The following CDH12 variants were observed in gnomAD, a reference collection of about 807,000 sequenced individuals.
CDH12 encodes the protein cadherin 12.
Under a neutral mutation model 74.1 loss-of-function variants are expected in CDH12, and 41 were observed. The ratio of observed to expected loss-of-function variants is 0.55; its 90% CI spans 0.43 to 0.72. CDH12 has a LOEUF of 0.72. CDH12 is among the 30% of genes least tolerant of loss of function. The pLI is 0.00. For synonymous variants in CDH12, 399 were observed against 355.0 expected (o/e 1.12, Z -1.39); for missense variants, 945 against 977.2 (o/e 0.97, Z 0.44).
At chr5:22,348,247 C>T (rs1740207782) in intron 3 of CDH12, among the ~76,000 whole-genome samples, 1 of 152,240 alleles carries the variant, frequency 6.6e-6, no homozygotes, top group Non-Finnish European at 1.5e-5. Context: ...TTTCTTTAAG[C>T]CTGAGTGCTT....
chr5:22,275,259 G>A (rs911350583), intron 3 of CDH12, among the ~76,000 whole-genome samples: 4 of 151,588 alleles, frequency 2.6e-5, no homozygotes, highest in African/African-American at 4.8e-5. Context: ...AAACCTGCAC[G>A]TTCTGCACAT....
chr5:22,838,207 AGAC>A (rs1433404912), intron 1 of CDH12, among the ~76,000 whole-genome samples: 1 of 152,144 alleles, frequency 6.6e-6, no homozygotes, highest in Non-Finnish European at 1.5e-5. Flanking sequence ...CCTTGGCTGT[AGAC>A]CCGTAGAAGT....
intron 4 of CDH12, among the ~76,000 whole-genome samples, chr5:22,154,448 TATATATGTAC>T (rs1747864256): frequency 5.8e-4 from 1 of 1,718 alleles, no homozygotes; most frequent in Admixed American, 9.6e-3. Context: ...TATATACACA[TATATATGTAC>T]ACATATATAT....
At chr5:21,889,966 A>C (rs2150043014) in intron 6 of CDH12, 1 of 346,960 alleles carries the variant, frequency 2.9e-6, no homozygotes. Context: ...AGTCTAAGAC[A>C]CTTCCTTCTT....
At position 22,004,120 on chromosome 5, in the gene CDH12, G is replaced by T. The variant is rs6872750; in HGVS notation, c.232-28735C>A. The stretch of plus-strand genomic sequence containing the variant: ...TCAGTGAATGAGAATACAAATGTAC[G>T]CATTAAACCTCAGTCCATTTCTCTT... On this transcript the variant is annotated intron_variant, in intron 5 of 14. Coordinates refer to ENST00000382254, the MANE Select transcript of CDH12 (RefSeq NM_004061.5). Among the ~76,000 whole-genome samples the T allele has an allele frequency of 6.9e-3, 1,057 of 152,220 alleles. 11 individuals are homozygous for T. The highest frequency in any genetic ancestry group is 0.024 in the African/African-American group (1,000 of 41,528).
At chr5:22,467,697 T>A (rs1057269911) in intron 2 of CDH12, among the ~76,000 whole-genome samples, 4 of 152,166 alleles carry the variant, frequency 2.6e-5, no homozygotes, top group African/African-American at 9.7e-5. Flanking sequence ...AATTTCTAAG[T>A]GCATGTAATA....
chr5:21,989,967 T>C (rs796204802), intron 5 of CDH12, among the ~76,000 whole-genome samples: 6 of 152,342 alleles, frequency 3.9e-5, no homozygotes, highest in African/African-American at 1.4e-4. Context: ...TACATTTATA[T>C]CAAATCCCTT....
At chr5:22,809,742 C>A (rs914528891) in intron 1 of CDH12, among the ~76,000 whole-genome samples, 1 of 151,836 alleles carries the variant, frequency 6.6e-6, no homozygotes, top group African/African-American at 2.4e-5. Context: ...TGGAAAAAAA[C>A]AAAACCTCTT....
chr5:21,844,440 T>C (rs1750047460), intron 7 of CDH12, among the ~76,000 whole-genome samples: 1 of 152,134 alleles, frequency 6.6e-6, no homozygotes, highest in Non-Finnish European at 1.5e-5. Flanking sequence ...AAGCACACCC[T>C]GGTCATCACT....
intron 3 of CDH12, among the ~76,000 whole-genome samples, chr5:22,233,300 A>C (rs1245137641): frequency 6.7e-6 from 1 of 149,090 alleles, no homozygotes; most frequent in Non-Finnish European, 1.5e-5. Flanking sequence ...TAGACAAGCA[A>C]AAAAAATATA....
chr5:22,077,774 A>G (rs115430388), intron 5 of CDH12, among the ~76,000 whole-genome samples: 1,866 of 152,236 alleles, frequency 0.012, 32 homozygotes, highest in African/African-American at 0.041. Flanking sequence ...AAAAAAATTA[A>G]ATTTCCATAA....
intron 2 of CDH12, among the ~76,000 whole-genome samples, chr5:22,415,355 A>T (rs955752856): frequency 6.6e-6 from 1 of 152,196 alleles, no homozygotes; most frequent in Non-Finnish European, 1.5e-5. Context: ...TAAATCTGCA[A>T]AAATGGCCAC....
At chr5:22,193,380 T>C (rs377525568) in intron 4 of CDH12, among the ~76,000 whole-genome samples, 2 of 152,230 alleles carry the variant, frequency 1.3e-5, no homozygotes, top group African/African-American at 4.8e-5. Flanking sequence ...CTATGAATGT[T>C]AGATGATGGG....
intron 5 of CDH12, among the ~76,000 whole-genome samples, chr5:22,074,961 T>C (rs1465391792): frequency 6.6e-6 from 1 of 152,042 alleles, no homozygotes; most frequent in Non-Finnish European, 1.5e-5. Context: ...CATTACTGGG[T>C]ATATACCCAA....
intron 6 of CDH12, among the ~76,000 whole-genome samples, chr5:21,968,817 T>C (rs1254221611): frequency 1.3e-5 from 2 of 152,110 alleles, no homozygotes; most frequent in African/African-American, 4.8e-5. Context: ...AATGAGATCA[T>C]GTCCTTTGCA....
chr5:22,755,583 A>G (rs1381057258), intron 1 of CDH12, among the ~76,000 whole-genome samples: 1 of 152,154 alleles, frequency 6.6e-6, no homozygotes, highest in Non-Finnish European at 1.5e-5. Flanking sequence ...TAAAGCCAAT[A>G]TGTAAGAATT....
At chr5:22,710,125 T>A (rs1200309089) in intron 1 of CDH12, among the ~76,000 whole-genome samples, 1 of 152,190 alleles carries the variant, frequency 6.6e-6, no homozygotes, top group Admixed American at 6.6e-5. Context: ...CTATTTCCTA[T>A]AATTTATATT....
intron 1 of CDH12, among the ~76,000 whole-genome samples, chr5:22,689,626 G>A (rs113624292): frequency 6.6e-6 from 1 of 151,998 alleles, no homozygotes; most frequent in African/African-American, 2.4e-5. Flanking sequence ...GGAAAAAAAG[G>A]AGAAAAAAGC....
At chr5:22,501,251 A>G (rs906143906) in intron 2 of CDH12, among the ~76,000 whole-genome samples, 4 of 152,194 alleles carry the variant, frequency 2.6e-5, no homozygotes, top group African/African-American at 9.6e-5. Context: ...TTTTAAGAGC[A>G]TCGTGTGATC....
Sources: gnomAD v4.1 joint callset for allele counts (sites outside exome capture counted in the v4.1 genomes callset) on GRCh38, gnomAD v4.1.1 for gene constraint, MANE v1.5 for transcripts, NCBI Gene and HGNC (gene_info 2026-07-23, HGNC 2026-07-21) for gene names.